REPS2: variants seen among roughly 807,000 people sequenced by gnomAD.
REPS2 encodes ralBP1-associated Eps domain-containing protein 2.
REPS2 carries 23 observed loss-of-function variants against 53.6 expected under a neutral mutation model. That is an observed-to-expected ratio of 0.43 (90% CI 0.31 to 0.61). The LOEUF (loss-of-function observed/expected upper bound fraction) is 0.61. Ranked by LOEUF, REPS2 falls within the 20% of genes least tolerant of loss-of-function variation. The pLI is 0.11. For synonymous variants in REPS2, 238 were observed against 218.6 expected, an observed-to-expected ratio of 1.09 and a Z score of -0.78; for missense variants, 446 against 534.9, an observed-to-expected ratio of 0.83 and a Z score of 1.64.
At chrX:16,982,183 T>G (rs73630575) in intron 1 of REPS2, among the ~76,000 whole-genome samples, 37 of 112,423 alleles carry the variant, frequency 3.3e-4, no homozygotes, top group African/African-American at 1.1e-3. Context: ...TATTCCATTT[T>G]CTGGATATAC....
At chrX:17,049,809 C>T (rs1238263190) in intron 6 of REPS2, among the ~76,000 whole-genome samples, 1 of 110,575 alleles carries the variant, frequency 9.0e-6, no homozygotes, top group East Asian at 2.9e-4. Context: ...AGTGTTATTA[C>T]AATGGAGTCA....
chrX:17,022,340 C>A, intron 3 of REPS2, 69 bp downstream of exon 3: 1 of 994,512 alleles, frequency 1.0e-6, no homozygotes, highest in Non-Finnish European at 1.4e-6. Context: ...GGCCTCGTAT[C>A]TACTGTTCAG....
chrX:17,111,787 C>T (rs1401018121), intron 14 of REPS2, among the ~76,000 whole-genome samples: 1 of 111,547 alleles, frequency 9.0e-6, no homozygotes, highest in Non-Finnish European at 1.9e-5. Context: ...GAAGATTGGA[C>T]TAGAGGGATC....
chrX:17,045,990 C>T (rs1440757115), intron 5 of REPS2, among the ~76,000 whole-genome samples: 3 of 108,590 alleles, frequency 2.8e-5, no homozygotes, highest in Non-Finnish European at 3.8e-5. Flanking sequence ...AGATGGCCGG[C>T]CTTCTTTTCT....
chrX:17,109,091 G>A (rs1490815266), intron 14 of REPS2, among the ~76,000 whole-genome samples: 1 of 111,062 alleles, frequency 9.0e-6, no homozygotes, highest in African/African-American at 3.3e-5. Context: ...TGTTCTGGAA[G>A]TGGCCATGGG....
chrX:16,978,141 G>A (rs776365214), intron 1 of REPS2, among the ~76,000 whole-genome samples: 1 of 111,975 alleles, frequency 8.9e-6, no homozygotes, highest in South Asian at 3.7e-4. Context: ...TACTGGGATT[G>A]TGGGATCATT....
chrX:17,146,655 G>C (rs1010628169), intron 17 of REPS2, among the ~76,000 whole-genome samples: 2 of 111,660 alleles, frequency 1.8e-5, no homozygotes, highest in Non-Finnish European at 3.8e-5. Context: ...CTTCCGGCTG[G>C]GTGGCTAGGA....
intron 8 of REPS2, among the ~76,000 whole-genome samples, chrX:17,055,733 C>T (rs1164707642): frequency 3.0e-5 from 3 of 100,813 alleles, no homozygotes; most frequent in Non-Finnish European, 4.0e-5. Flanking sequence ...TAAACTATCG[C>T]AAGAACAAAA....
chrX:17,019,587 GC>G, intron 2 of REPS2, among the ~76,000 whole-genome samples: 1 of 111,803 alleles, frequency 8.9e-6, no homozygotes, highest in Middle Eastern at 4.6e-3. Flanking sequence ...ACTTTAGGAG[GC>G]CAAGACGGGA....
intron 13 of REPS2, among the ~76,000 whole-genome samples, chrX:17,082,368 G>A (rs1602959059): frequency 8.9e-6 from 1 of 112,699 alleles, no homozygotes; most frequent in Admixed American, 9.3e-5. Flanking sequence ...CCTTGGCAGG[G>A]CAGCCATTTC....
rs1223989029 is a variant in REPS2 at position 17,050,194 on chromosome X, C to CTTTCT, written c.908-2185_908-2184insCTTTT. 7.9e-4 allele frequency among the ~76,000 whole-genome samples: 41 copies of CTTTCT among 51,798 alleles called. 2 individuals carry two copies. The highest frequency in any genetic ancestry group is 3.6e-3 in the African/African-American group (38 of 10,516). The allele number at this position is 51,798 out of a possible 115,157, so 45.0% of individuals were successfully genotyped here. ...TCTTTCTTTCTTTCTTTCTTTCTTT[C>CTTTCT]TTTTTTTTTTTTTTTTGACAGGGTC... On this transcript the variant is annotated intron_variant, in intron 6 of 17. Coordinates refer to ENST00000357277, the MANE Select transcript of REPS2 (RefSeq NM_004726.3).
chrX:17,185,046 TC>T, the REPS2 span, among the ~76,000 whole-genome samples: 1 of 111,206 alleles, frequency 9.0e-6, no homozygotes, highest in Non-Finnish European at 1.9e-5. Context: ...GCCAGTTTGG[TC>T]TAGGCTCAGC....
intron 16 of REPS2, chrX:17,137,784 T>C (rs993771053): frequency 1.8e-5 from 2 of 111,431 alleles, no homozygotes; most frequent in Non-Finnish European, 3.8e-5. Context: ...TTTCATTTTA[T>C]TTTTTATAGT....
At chrX:17,052,941 C>T (rs2062022648) in intron 7 of REPS2, among the ~76,000 whole-genome samples, 1 of 111,292 alleles carries the variant, frequency 9.0e-6, no homozygotes, top group African/African-American at 3.3e-5. Context: ...TCAGTTGGGC[C>T]CTAATTCAGA....
chrX:17,131,139 A>G (rs1292990910), intron 14 of REPS2, among the ~76,000 whole-genome samples: 1 of 111,515 alleles, frequency 9.0e-6, no homozygotes, highest in Non-Finnish European at 1.9e-5. Flanking sequence ...TTACCCTGGG[A>G]GAGAATGAAC....
At chrX:16,965,474 C>G (rs2060747214) in intron 1 of REPS2, among the ~76,000 whole-genome samples, 1 of 105,607 alleles carries the variant, frequency 9.5e-6, no homozygotes, top group Admixed American at 9.8e-5. Context: ...TCAGACGGGG[C>G]AGCTGCCGGG....
At chrX:17,128,338 A>G (rs1457507535) in intron 14 of REPS2, among the ~76,000 whole-genome samples, 1 of 100,338 alleles carries the variant, frequency 1.0e-5, no homozygotes, top group East Asian at 3.1e-4. Context: ...AATAGAGTTA[A>G]CCCTGTTTGA....
chrX:17,026,039 A>G (rs1243043883), intron 4 of REPS2, among the ~76,000 whole-genome samples: 1 of 111,864 alleles, frequency 8.9e-6, no homozygotes, highest in Non-Finnish European at 1.9e-5. Flanking sequence ...CACAGAAATA[A>G]AACTGCGCGC....
rs1187082338 is a variant in REPS2 at position 17,037,916 on chromosome X, C to A, written c.771+8293C>A. Among the ~76,000 whole-genome samples, 29 of 111,916 alleles carry A rather than the reference C, an allele frequency of 2.6e-4. No individual in the cohort carries two copies. The Admixed American group carries it at 2.7e-3, about 11-fold the overall frequency. On this transcript the variant is annotated intron_variant, in intron 5 of 17. Coordinates refer to ENST00000357277, the MANE Select transcript of REPS2 (RefSeq NM_004726.3). The stretch of plus-strand genomic sequence containing the variant: ...AGGCGAGCAGGGAGTGTCATGCCCC[C>A]CCAGTTGCCTATCCCAACAATAGTC...
Sources: allele counts gnomAD v4.1 joint callset (sites outside exome capture counted in the v4.1 genomes callset), GRCh38; gene constraint gnomAD v4.1.1; transcripts MANE v1.5; gene names NCBI Gene and HGNC (gene_info 2026-07-23, HGNC 2026-07-21).